Variants in KHDRBS2 observed in about 807,000 individuals in gnomAD.
KHDRBS2 encodes the protein KH domain-containing, RNA-binding, signal transduction-associated protein 2.
In KHDRBS2, 26 loss-of-function variants were observed where a neutral mutation model predicts 44.3. The observed-to-expected ratio is 0.59, with a 90% CI of 0.43 to 0.81. The LOEUF (loss-of-function observed/expected upper bound fraction) is 0.81, where lower values mean the gene tolerates loss of function less well. Ranked by LOEUF, KHDRBS2 falls within the 40% of genes least tolerant of loss-of-function variation. The probability of loss-of-function intolerance (pLI) is 0.00; values close to 1 mark genes in which losing one functional copy is unlikely to be tolerated. For synonymous variants in KHDRBS2, 194 were observed against 151.1 expected (o/e 1.28, Z -2.08); for missense variants, 476 against 433.1 (o/e 1.10, Z -0.88).
In KHDRBS2 at chr6:62,193,381, A is replaced by ATTTT. The variant is rs1423369769; in HGVS notation, c.92-16070_92-16069insAAAA. ...CAATTTTTGAAGTCAGACTAATCAA[A>ATTTT]TATGTGTTCTAATTTTTATGGGCCT... is the stretch of plus-strand genomic sequence containing the variant. On this transcript the variant is annotated intron_variant, in intron 1 of 8. Transcript: ENST00000281156. Among the ~76,000 whole-genome samples, 10 of 152,184 alleles carry ATTTT rather than the reference A, an allele frequency of 6.6e-5. No homozygotes were observed. In the East Asian group the frequency reaches 1.9e-3, roughly 29 times the overall value.
chr6:62,124,905 T>G (rs1338002603), intron 2 of KHDRBS2, among the ~76,000 whole-genome samples: 1 of 152,204 alleles, frequency 6.6e-6, no homozygotes, highest in African/African-American at 2.4e-5. Flanking sequence ...ACATTTGTTA[T>G]GATTTTGAGT....
chr6:61,626,032 T>C, the KHDRBS2 span, among the ~76,000 whole-genome samples: 1 of 152,344 alleles, frequency 6.6e-6, no homozygotes, highest in East Asian at 1.9e-4. Flanking sequence ...ATTTGCCACA[T>C]GTCCATAATC....
At chr6:62,183,579 T>C (rs1822800840) in intron 1 of KHDRBS2, among the ~76,000 whole-genome samples, 1 of 151,660 alleles carries the variant, frequency 6.6e-6, no homozygotes, top group Non-Finnish European at 1.5e-5. Context: ...TTTCTAGTTC[T>C]ATGGAAATTT....
At chr6:61,998,858 G>A (rs1239172595) in intron 3 of KHDRBS2, among the ~76,000 whole-genome samples, 1 of 151,870 alleles carries the variant, frequency 6.6e-6, no homozygotes, top group Admixed American at 6.6e-5. Context: ...ACAAAATACT[G>A]CCTGTTCATC....
intron 6 of KHDRBS2, among the ~76,000 whole-genome samples, chr6:61,770,462 TA>T (rs1287374565): frequency 4.6e-5 from 7 of 151,810 alleles, no homozygotes; most frequent in Non-Finnish European, 7.4e-5. Flanking sequence ...AATGGATAAG[TA>T]GAATAACCAA....
At chr6:61,559,764 C>A in the KHDRBS2 span, among the ~76,000 whole-genome samples, 1 of 152,128 alleles carries the variant, frequency 6.6e-6, no homozygotes, top group Non-Finnish European at 1.5e-5. Flanking sequence ...TATCTGATTG[C>A]ACTACGTCTT....
intron 3 of KHDRBS2, among the ~76,000 whole-genome samples, chr6:62,003,897 A>T (rs1015744908): frequency 1.3e-5 from 2 of 152,328 alleles, no homozygotes; most frequent in African/African-American, 4.8e-5. Context: ...TTGCTTCTGA[A>T]TGACTATTGG....
At chr6:61,738,870 G>C (rs1281199614) in intron 6 of KHDRBS2, among the ~76,000 whole-genome samples, 2 of 151,730 alleles carry the variant, frequency 1.3e-5, no homozygotes, top group Non-Finnish European at 2.9e-5. Context: ...TAAAATAATA[G>C]TAATTCATCA....
intron 2 of KHDRBS2, among the ~76,000 whole-genome samples, chr6:62,069,858 T>A (rs1268481252): frequency 1.3e-5 from 2 of 151,784 alleles, no homozygotes; most frequent in Non-Finnish European, 2.9e-5. Context: ...AAATTTTAAC[T>A]TTTTATAATA....
At chr6:61,647,699 G>A in the KHDRBS2 span, among the ~76,000 whole-genome samples, 2 of 152,120 alleles carry the variant, frequency 1.3e-5, no homozygotes, top group African/African-American at 2.4e-5. Flanking sequence ...CATAGCTAAA[G>A]AAGTAGAGGA....
chr6:62,115,598 A>G (rs1159743891), intron 2 of KHDRBS2, among the ~76,000 whole-genome samples: 1 of 152,176 alleles, frequency 6.6e-6, no homozygotes, highest in Non-Finnish European at 1.5e-5. Flanking sequence ...CTGTTTATGT[A>G]TGTATTGGCT....
At chr6:61,945,211 A>C (rs1813125773) in intron 4 of KHDRBS2, among the ~76,000 whole-genome samples, 1 of 117,154 alleles carries the variant, frequency 8.5e-6, no homozygotes, top group South Asian at 2.7e-4. Context: ...AATGATTAAA[A>C]ATTTAAAAAC....
rs143658159 is a variant in KHDRBS2 at position 62,010,770 on chromosome 6, T to C, written c.337-32558A>G. On this transcript the variant is annotated intron_variant, in intron 3 of 8. Coordinates refer to ENST00000281156, the MANE Select transcript of KHDRBS2 (RefSeq NM_152688.4). ...TTGCCTTCCACCACGATTGTAATAG[T>C]TTAAAAAAACCTCATCTGTTAAATA... Among the ~76,000 whole-genome samples the C allele has an allele frequency of 1.6e-3, 237 of 152,244 alleles. 1 individual carries two copies. The highest frequency in any genetic ancestry group is 1.6e-3 in the Non-Finnish European group (111 of 68,004).
intron 2 of KHDRBS2, among the ~76,000 whole-genome samples, chr6:62,158,071 CTGTAA>C (rs1255113139): frequency 1.3e-5 from 2 of 152,130 alleles, no homozygotes; most frequent in Non-Finnish European, 2.9e-5. Flanking sequence ...CTTTTATTAC[CTGTAA>C]TGTAATCATT....
chr6:62,131,340 G>C (rs1385613198), intron 2 of KHDRBS2, among the ~76,000 whole-genome samples: 1 of 152,086 alleles, frequency 6.6e-6, no homozygotes, highest in African/African-American at 2.4e-5. Context: ...TATTAGCAAG[G>C]ATCTCAACAA....
the KHDRBS2 span, among the ~76,000 whole-genome samples, chr6:61,554,090 C>T: frequency 6.6e-6 from 1 of 152,050 alleles, no homozygotes; most frequent in Non-Finnish European, 1.5e-5. Flanking sequence ...TCTTATATTG[C>T]TATTGGGGTG....
At chr6:61,597,735 TATATATATATATATATATATATAC>T in the KHDRBS2 span, among the ~76,000 whole-genome samples, 170 of 36,648 alleles carry the variant, frequency 4.6e-3, 4 homozygotes, top group African/African-American at 0.031. Flanking sequence ...GCACCTTTTA[TATATATATATATATATATATATAC>T]ATATATATAT....
At chr6:62,145,275 G>T (rs1813689896) in intron 2 of KHDRBS2, among the ~76,000 whole-genome samples, 1 of 150,314 alleles carries the variant, frequency 6.7e-6, no homozygotes. Flanking sequence ...TTTTTGGTAG[G>T]CTTGATATTT....
chr6:62,179,357 T>G (rs1407791535), intron 1 of KHDRBS2, among the ~76,000 whole-genome samples: 1 of 151,720 alleles, frequency 6.6e-6, no homozygotes, highest in Non-Finnish European at 1.5e-5. Flanking sequence ...AACATCAGAT[T>G]CCTATATTCT....
Sources: gnomAD v4.1 joint callset for allele counts (sites outside exome capture counted in the v4.1 genomes callset) on GRCh38, gnomAD v4.1.1 for gene constraint, MANE v1.5 for transcripts, NCBI Gene and HGNC (gene_info 2026-07-23, HGNC 2026-07-21) for gene names.